ST7: variants seen among roughly 807,000 people sequenced by gnomAD.
ST7 encodes suppressor of tumorigenicity 7 protein.
Under a neutral mutation model 78.7 loss-of-function variants are expected in ST7, and 28 were observed. The observed-to-expected ratio is 0.36, with a 90% CI of 0.26 to 0.49. The LOEUF (loss-of-function observed/expected upper bound fraction) is 0.49, where lower values mean the gene tolerates loss of function less well. Among genes scored for constraint, ST7 ranks in the 20% least tolerant of loss-of-function variants. The pLI, the probability that ST7 is intolerant of heterozygous loss-of-function variation, is 0.99. For missense variants in ST7, 418 were observed against 696.0 expected (o/e 0.60, Z 4.49); for synonymous variants, 247 against 249.6 (o/e 0.99, Z 0.10).
At chr7:117,211,999 G>A (rs2116064036) in intron 13 of ST7, among the ~76,000 whole-genome samples, 1 of 152,314 alleles carries the variant, frequency 6.6e-6, no homozygotes, top group East Asian at 1.9e-4. Context: ...CTTACAGATA[G>A]GCAGGAACCA....
At chr7:117,137,814 C>T (rs746391126) in intron 8 of ST7, among the ~76,000 whole-genome samples, 1 of 152,082 alleles carries the variant, frequency 6.6e-6, no homozygotes, top group Non-Finnish European at 1.5e-5. Context: ...AAATTGTTAA[C>T]GTACTTTTTA....
chr7:116,983,226 A>G (rs1794037989), intron 1 of ST7, among the ~76,000 whole-genome samples: 1 of 152,148 alleles, frequency 6.6e-6, no homozygotes, highest in African/African-American at 2.4e-5. Context: ...TCTAGTTCTT[A>G]TCTATCTCTC....
At chr7:117,115,574 G>A (rs994416087) in intron 2 of ST7, among the ~76,000 whole-genome samples, 4 of 151,932 alleles carry the variant, frequency 2.6e-5, no homozygotes, top group Non-Finnish European at 2.9e-5. Context: ...GGCTGGTCTC[G>A]AACTCCTGAC....
intron 1 of ST7, among the ~76,000 whole-genome samples, chr7:116,957,502 G>C (rs1026766929): frequency 3.3e-5 from 5 of 152,010 alleles, no homozygotes; most frequent in African/African-American, 1.2e-4. Flanking sequence ...CCAGCTGCTG[G>C]TAACTGATTT....
intron 2 of ST7, among the ~76,000 whole-genome samples, chr7:117,107,972 G>A (rs1382490490): frequency 1.3e-5 from 2 of 152,022 alleles, no homozygotes; most frequent in African/African-American, 2.4e-5. Flanking sequence ...TGAAATCCTT[G>A]TAGATTCAGG....
At chr7:117,138,569 A>G (rs1415625160) in intron 9 of ST7, 37 bp downstream of exon 9, 2 of 1,447,368 alleles carry the variant, frequency 1.4e-6, no homozygotes, top group African/African-American at 1.4e-5. Flanking sequence ...AGTGGCTTAC[A>G]GATATAGGAG....
intron 2 of ST7, among the ~76,000 whole-genome samples, chr7:117,113,987 G>T (rs770398695): frequency 6.6e-5 from 10 of 152,158 alleles, no homozygotes; most frequent in Non-Finnish European, 1.5e-4. Flanking sequence ...ACTGAGGTGG[G>T]GATGGACCAT....
At position 117,190,424 on chromosome 7, in the gene ST7, A is replaced by G. The variant is rs982832119; in HGVS notation, c.1152-410A>G. Among the ~76,000 whole-genome samples, 3 of 152,086 alleles carry G rather than the reference A, an allele frequency of 2.0e-5. No individual in the cohort carries two copies. Among genetic ancestry groups the G allele is most frequent in the Admixed American group, 6.5e-5 (1 of 15,276 alleles). Reference sequence around the variant, plus strand: ...ATTTAACCTCCATCGCAGCACTGACATTGGGTGGGAGGCCTCCTTTCAAAT... The same window carrying G: ...ATTTAACCTCCATCGCAGCACTGACGTTGGGTGGGAGGCCTCCTTTCAAAT... On this transcript the variant is annotated intron_variant, in intron 11 of 15. Coordinates refer to ENST00000323984, the MANE Select transcript of ST7 (RefSeq NM_001369598.1). The surrounding 1 kb of genome is among the most constrained non-coding windows in gnomAD (Gnocchi z 5.2).
chr7:117,053,850 G>GTT (rs35767775), intron 1 of ST7, among the ~76,000 whole-genome samples: 1 of 147,114 alleles, frequency 6.8e-6, no homozygotes. Flanking sequence ...GGACTAGACG[G>GTT]TTTTTTTTTT....
intron 9 of ST7, among the ~76,000 whole-genome samples, chr7:117,141,690 A>G (rs556873025): frequency 1.2e-4 from 18 of 151,994 alleles, no homozygotes; most frequent in African/African-American, 4.1e-4. Flanking sequence ...TTCTTTTTTA[A>G]GACAGAGTCT....
intron 1 of ST7, among the ~76,000 whole-genome samples, chr7:116,989,342 C>T (rs1794324570): frequency 6.6e-6 from 1 of 152,118 alleles, no homozygotes; most frequent in African/African-American, 2.4e-5. Context: ...GTGGAGCTCA[C>T]CTTTTTCACT....
chr7:117,004,840 G>A (rs1045094541), intron 1 of ST7, among the ~76,000 whole-genome samples: 1 of 152,058 alleles, frequency 6.6e-6, no homozygotes, highest in Admixed American at 6.5e-5. Context: ...ATCTTCCATG[G>A]AATATTTTGG....
In ST7 at chr7:117,220,239, T is replaced by G. The variant is rs1324133279; in HGVS notation, c.1498+1063T>G. ...CTCAATGGCTGTCATCAGATTGAGG[T>G]AGCAGGAGTTGCTCACTTGCCTTCC... On this transcript the variant is annotated intron_variant, in intron 14 of 15. Transcript: ENST00000323984. Among the ~76,000 whole-genome samples the G allele has an allele frequency of 2.0e-5, 3 of 152,216 alleles. No individual in the cohort carries two copies. The East Asian group carries it at 5.8e-4, about 29-fold the overall frequency.
intron 2 of ST7, among the ~76,000 whole-genome samples, chr7:117,108,729 G>A (rs941874588): frequency 2.0e-5 from 3 of 152,118 alleles, no homozygotes; most frequent in African/African-American, 7.2e-5. Flanking sequence ...ATGAGCATGG[G>A]ATGTGTTTCC....
chr7:117,150,703 G>T (rs188843643), intron 9 of ST7, among the ~76,000 whole-genome samples: 50 of 152,240 alleles, frequency 3.3e-4, no homozygotes, highest in African/African-American at 1.1e-3. Flanking sequence ...AGGCTGTAAG[G>T]TAATGACTCC....
intron 1 of ST7, among the ~76,000 whole-genome samples, chr7:116,957,409 G>T (rs1792564292): frequency 6.6e-6 from 1 of 151,934 alleles, no homozygotes; most frequent in African/African-American, 2.4e-5. Context: ...TGTTACCTAG[G>T]TTGGGCTTGA....
intron 10 of ST7, among the ~76,000 whole-genome samples, chr7:117,181,683 C>G (rs978874374): frequency 2.6e-5 from 4 of 151,874 alleles, no homozygotes; most frequent in Non-Finnish European, 5.9e-5. Context: ...CCAAGCAAAT[C>G]CTGGAAATAA....
At chr7:117,049,404 G>A (rs1797653861) in intron 1 of ST7, among the ~76,000 whole-genome samples, 2 of 152,242 alleles carry the variant, frequency 1.3e-5, no homozygotes, top group South Asian at 4.1e-4. Flanking sequence ...CTGTTATCTT[G>A]ACATTTCTTA....
intron 1 of ST7, chr7:116,966,111 T>A (rs1050692659): frequency 1.7e-5 from 8 of 465,330 alleles, no homozygotes; most frequent in African/African-American, 1.4e-4. Context: ...TGTTTTCTTC[T>A]GTCTGTAACA....
Sources: allele counts gnomAD v4.1 joint callset (sites outside exome capture counted in the v4.1 genomes callset), GRCh38; gene constraint gnomAD v4.1.1; non-coding constraint Gnocchi (gnomAD v3.1); transcripts MANE v1.5; gene names NCBI Gene and HGNC (gene_info 2026-07-23, HGNC 2026-07-21).